Variants in PCDH15 observed in about 807,000 individuals in gnomAD.
PCDH15 encodes the protein protocadherin-15.
PCDH15 carries 129 observed loss-of-function variants against 178.5 expected under a neutral mutation model. The observed-to-expected ratio is 0.72, with a 90% CI of 0.63 to 0.84. PCDH15 has a LOEUF of 0.84. Among genes scored for constraint, PCDH15 ranks in the 40% least tolerant of loss-of-function variants. PCDH15 has a pLI of 0.00. For missense variants in PCDH15, 2,230 were observed against 2,099.9 expected (o/e 1.06, Z -1.21); for synonymous variants, 800 against 732.0 (o/e 1.09, Z -1.50).
intron 1 of PCDH15, among the ~76,000 whole-genome samples, chr10:54,766,718 A>G (rs11004560): frequency 0.014 from 2,058 of 152,074 alleles, 41 homozygotes; most frequent in East Asian, 0.056. Flanking sequence ...TCACAAGATC[A>G]GGAGATAGAG....
At chr10:54,335,258 C>T (rs768238537) in intron 6 of PCDH15, among the ~76,000 whole-genome samples, 2 of 152,186 alleles carry the variant, frequency 1.3e-5, no homozygotes, top group Non-Finnish European at 2.9e-5. Flanking sequence ...ACTGTTAAAA[C>T]ATGTCCCTGG....
At chr10:54,411,094 T>G (rs1421836693) in intron 3 of PCDH15, among the ~76,000 whole-genome samples, 1 of 152,164 alleles carries the variant, frequency 6.6e-6, no homozygotes, top group African/African-American at 2.4e-5. Flanking sequence ...AAGGGAGTTA[T>G]TCAAGTAAAA....
intron 2 of PCDH15, among the ~76,000 whole-genome samples, chr10:54,641,726 GCTAA>G (rs35958150): frequency 0.51 from 76,705 of 151,462 alleles, 22,681 homozygotes; most frequent in Non-Finnish European, 0.68. Flanking sequence ...GGACTATATT[GCTAA>G]CTGTTTATTT....
chr10:53,888,304 A>ATACGTATATATATATATG (rs1554845194), intron 26 of PCDH15, among the ~76,000 whole-genome samples: 1 of 88,974 alleles, frequency 1.1e-5, no homozygotes, highest in Non-Finnish European at 2.0e-5. Flanking sequence ...ATATATATAT[A>ATACGTATATATATATATG]TATATGTATA....
Position 54,593,415 on chromosome 10 carries a change from T to C in PCDH15, c.92-65538A>G, listed in dbSNP as rs189203528. On this transcript the variant is annotated intron_variant, in intron 2 of 37. Coordinates refer to ENST00000644397, the MANE Select transcript of PCDH15 (RefSeq NM_001384140.1). ...TGGATATCCAGTTTTCTCAGCACCA[T>C]TTATTGAAGAAAATACCTTTTCCCC... Among the ~76,000 whole-genome samples the C allele has an allele frequency of 3.4e-3, 522 of 152,308 alleles. 8 individuals are homozygous for C. The highest frequency in any genetic ancestry group is 0.012 in the African/African-American group (504 of 41,580).
At chr10:54,024,951 A>C (rs2093038199) in intron 18 of PCDH15, among the ~76,000 whole-genome samples, 1 of 152,154 alleles carries the variant, frequency 6.6e-6, no homozygotes, top group Non-Finnish European at 1.5e-5. Context: ...TTTGTTTCAT[A>C]ATAATAATAC....
intron 5 of PCDH15, among the ~76,000 whole-genome samples, chr10:54,352,653 C>T (rs1041566767): frequency 6.6e-6 from 1 of 152,064 alleles, no homozygotes; most frequent in Admixed American, 6.6e-5. Flanking sequence ...AGAAGCATTA[C>T]CTTTAGTGAT....
intron 9 of PCDH15, among the ~76,000 whole-genome samples, chr10:54,233,503 T>C (rs946277181): frequency 6.6e-6 from 1 of 152,216 alleles, no homozygotes; most frequent in Admixed American, 6.5e-5. Flanking sequence ...GAGTTTGTAT[T>C]ATTTCAATCA....
At chr10:54,960,940 G>T (rs143628141) in intron 2 of PCDH15, among the ~76,000 whole-genome samples, 1 of 152,250 alleles carries the variant, frequency 6.6e-6, no homozygotes, top group East Asian at 1.9e-4. Context: ...CAAACTGCAG[G>T]CCAATCACAA....
chr10:54,854,035 T>C (rs148742045), intron 3 of PCDH15, among the ~76,000 whole-genome samples: 1 of 152,272 alleles, frequency 6.6e-6, no homozygotes, highest in East Asian at 1.9e-4. Context: ...GAGTCAGGCA[T>C]AGAATGGCGA....
chr10:53,865,791 A>G lies in PCDH15; in HGVS notation c.3717+851T>C, dbSNP rs115357670. ...ATGTATATGAAGGTTACGCTTGTCCAGGGAACTAAATGAGAAGAACTGCGA... is the reference window on the plus strand; with the variant it reads ...ATGTATATGAAGGTTACGCTTGTCCGGGGAACTAAATGAGAAGAACTGCGA... On this transcript the variant is annotated intron_variant, in intron 27 of 37. Transcript: ENST00000644397. 3.6e-3 allele frequency among the ~76,000 whole-genome samples: 541 copies of G among 152,282 alleles called. 1 individual carries two copies. Among genetic ancestry groups the G allele is most frequent in the African/African-American group, 9.9e-3 (410 of 41,552 alleles).
Position 54,378,955 on chromosome 10 carries a change from G to A in PCDH15, c.158-13C>T. ...ACCAGAATTGTACCTGCAAACCAAA[G>A]AAAGGTACTTGAAAACATATTCTAC... On this transcript the variant is annotated splice_polypyrimidine_tract_variant and intron_variant, in intron 3 of 37. Coordinates refer to ENST00000644397, the MANE Select transcript of PCDH15 (RefSeq NM_001384140.1). 3 of 1,613,308 alleles carry A rather than the reference G, an allele frequency of 1.9e-6. No individual in the cohort carries two copies. Among genetic ancestry groups the A allele is most frequent in the Non-Finnish European group, 2.5e-6 (3 of 1,179,568 alleles).
rs141305977 is a variant in PCDH15, at chr10:54,854,391, T to G, written c.-29+43059A>C. On this transcript the variant is annotated intron_variant, in intron 3 of 5. Coordinates refer to the PCDH15 transcript ENST00000458638. Reference sequence around the variant, plus strand: ...TGTGTTACAGTTATTTTAGCCTCCTTTGCTCCTTCCACGGTAACCAAGTTA... The same window carrying G: ...TGTGTTACAGTTATTTTAGCCTCCTGTGCTCCTTCCACGGTAACCAAGTTA... Among the ~76,000 whole-genome samples, 180 of 152,288 alleles carry G rather than the reference T, an allele frequency of 1.2e-3. 4 individuals carry two copies. Among genetic ancestry groups the G allele is most frequent in the Admixed American group, 9.0e-3 (138 of 15,292 alleles).
At chr10:54,814,085 T>G (rs1952910801) in intron 3 of PCDH15, among the ~76,000 whole-genome samples, 2 of 152,226 alleles carry the variant, frequency 1.3e-5, no homozygotes, top group Admixed American at 1.3e-4. Context: ...TAGATGTTCC[T>G]AAAATCTCAA....
At chr10:55,470,658 G>A (rs781542188) in intron 2 of PCDH15, among the ~76,000 whole-genome samples, 6 of 152,044 alleles carry the variant, frequency 3.9e-5, no homozygotes, top group Non-Finnish European at 8.8e-5. Flanking sequence ...ACAGTGACAC[G>A]TCAAATGCAC....
At chr10:55,046,878 A>T (rs1395378108) in intron 2 of PCDH15, among the ~76,000 whole-genome samples, 1 of 152,032 alleles carries the variant, frequency 6.6e-6, no homozygotes, top group African/African-American at 2.4e-5. Flanking sequence ...TGACTAGAGT[A>T]ATATAGATCA....
Position 55,312,323 on chromosome 10 carries a change from AC to A in PCDH15, c.-156+7275del, listed in dbSNP as rs201564897. Among the ~76,000 whole-genome samples the A allele has an allele frequency of 8.3e-3, 1,268 of 152,302 alleles. 21 individuals carry two copies. Among genetic ancestry groups the A allele is most frequent in the African/African-American group, 0.029 (1,208 of 41,554 alleles). On this transcript the variant is annotated intron_variant, in intron 1 of 5. Coordinates refer to the PCDH15 transcript ENST00000458638. ...GTAAAGGGTATCAGTTATTAAAAAA[AC>A]AAAAATATTTTATTTAAAAAGGGTG...
intron 15 of PCDH15, among the ~76,000 whole-genome samples, chr10:54,129,732 C>T (rs781664999): frequency 2.0e-5 from 3 of 152,252 alleles, no homozygotes; most frequent in Admixed American, 1.3e-4. Context: ...AAAATCCACA[C>T]ATACTGAAGT....
intron 2 of PCDH15, among the ~76,000 whole-genome samples, chr10:55,092,722 C>G (rs16906936): frequency 0.041 from 6,162 of 151,832 alleles, 304 homozygotes; most frequent in East Asian, 0.15. Flanking sequence ...ATGCTTATTG[C>G]TCTGTTTGTT....
Sources: gnomAD v4.1 joint callset for allele counts (sites outside exome capture counted in the v4.1 genomes callset) on GRCh38, gnomAD v4.1.1 for gene constraint, MANE v1.5 for transcripts, NCBI Gene and HGNC (gene_info 2026-07-23, HGNC 2026-07-21) for gene names.